The following KCNAB1 variants were observed in gnomAD, a reference collection of about 807,000 sequenced individuals.
The protein encoded by KCNAB1 is voltage-gated potassium channel subunit beta-1.
KCNAB1 carries 35 observed loss-of-function variants against 64.6 expected under a neutral mutation model. The observed-to-expected ratio is 0.54, with a 90% CI of 0.41 to 0.72. KCNAB1 has a LOEUF of 0.72. Ranked by LOEUF, KCNAB1 falls within the 30% of genes least tolerant of loss-of-function variation. The pLI is 0.00. For missense variants in KCNAB1, 401 were observed against 512.9 expected (o/e 0.78, Z 2.11); for synonymous variants, 177 against 183.8 (o/e 0.96, Z 0.30).
chr3:156,453,163 ACAGT>A (rs1322198883), intron 3 of KCNAB1: 10 of 373,744 alleles, frequency 2.7e-5, no homozygotes, highest in Non-Finnish European at 3.8e-5. Flanking sequence ...TGCAGGTTGA[ACAGT>A]CAGAGAATGA....
chr3:156,265,969 T>C (rs191149678), intron 1 of KCNAB1, among the ~76,000 whole-genome samples: 2,631 of 152,152 alleles, frequency 0.017, 51 homozygotes, highest in South Asian at 0.022. Context: ...TCCAGCCTGG[T>C]GACACAGCGA....
chr3:156,118,823 A>T (rs1713189853), upstream of KCNAB1, among the ~76,000 whole-genome samples: 1 of 152,156 alleles, frequency 6.6e-6, no homozygotes, highest in Admixed American at 6.5e-5. Flanking sequence ...AACTGGGGTG[A>T]TTATCTCCAG....
chr3:156,428,533 A>ACACACACC (rs59772816), intron 2 of KCNAB1, among the ~76,000 whole-genome samples: 158 of 143,116 alleles, frequency 1.1e-3, no homozygotes, highest in African/African-American at 1.6e-3. Flanking sequence ...ACACACACAC[A>ACACACACC]CCCTATTGGT....
At chr3:156,134,021 A>C (rs1328708451) in intron 1 of KCNAB1, among the ~76,000 whole-genome samples, 2 of 152,216 alleles carry the variant, frequency 1.3e-5, no homozygotes, top group Non-Finnish European at 2.9e-5. Context: ...AGCCTCATTC[A>C]TCTGACATTG....
intron 2 of KCNAB1, among the ~76,000 whole-genome samples, chr3:156,422,844 A>G (rs1715553033): frequency 6.6e-6 from 1 of 152,206 alleles, no homozygotes; most frequent in African/African-American, 2.4e-5. Context: ...GAAAGTGAGG[A>G]GGAGCCAAAG....
At chr3:156,324,028 C>G (rs912219904) in intron 1 of KCNAB1, among the ~76,000 whole-genome samples, 5 of 152,112 alleles carry the variant, frequency 3.3e-5, no homozygotes, top group African/African-American at 1.2e-4. Flanking sequence ...GAACAATTAT[C>G]AAAAACCAGA....
intron 8 of KCNAB1, among the ~76,000 whole-genome samples, chr3:156,488,669 A>G (rs1033085332): frequency 6.6e-6 from 1 of 152,136 alleles, no homozygotes; most frequent in African/African-American, 2.4e-5. Flanking sequence ...GATTGAGAAT[A>G]CGTTATAGGG....
chr3:156,536,447 T>C (rs985988961), intron 13 of KCNAB1: 67 of 520,342 alleles, frequency 1.3e-4, no homozygotes, highest in Admixed American at 2.4e-4. Context: ...CCTTCACTTA[T>C]GCCTTTATGC....
chr3:156,146,505 G>C (rs1715046145), intron 1 of KCNAB1, among the ~76,000 whole-genome samples: 1 of 152,148 alleles, frequency 6.6e-6, no homozygotes, highest in African/African-American at 2.4e-5. Flanking sequence ...CAAATACCTA[G>C]CTTTGAAGCA....
At chr3:156,422,960 G>A (rs13315734) in intron 2 of KCNAB1, among the ~76,000 whole-genome samples, 13,695 of 152,130 alleles carry the variant, frequency 0.09, 1,834 homozygotes, top group African/African-American at 0.29. Context: ...GACCAATCCC[G>A]TCAAGTGGTG....
chr3:156,121,375 T>C (rs1313475408), intron 1 of KCNAB1, among the ~76,000 whole-genome samples: 1 of 152,164 alleles, frequency 6.6e-6, no homozygotes, highest in Non-Finnish European at 1.5e-5. Flanking sequence ...ATGGGACATA[T>C]TGACCACCAA....
chr3:156,435,596 C>A (rs1453975209), intron 2 of KCNAB1, among the ~76,000 whole-genome samples: 1 of 152,100 alleles, frequency 6.6e-6, no homozygotes, highest in African/African-American at 2.4e-5. Context: ...AAATGGTGAA[C>A]CACATCATCT....
chr3:156,511,177 T>C (rs928715473), intron 8 of KCNAB1, among the ~76,000 whole-genome samples: 11 of 152,054 alleles, frequency 7.2e-5, no homozygotes, highest in Non-Finnish European at 1.0e-4. Context: ...GATCTCGGCT[T>C]ACTGCGAGCT....
intron 1 of KCNAB1, among the ~76,000 whole-genome samples, chr3:156,151,607 T>C (rs1035853674): frequency 6.6e-6 from 1 of 152,220 alleles, no homozygotes. Flanking sequence ...TTGTTCATGC[T>C]CTCACATGCT....
intron 1 of KCNAB1, among the ~76,000 whole-genome samples, chr3:156,326,934 AG>A (rs893143032): frequency 3.9e-5 from 6 of 152,130 alleles, no homozygotes; most frequent in African/African-American, 1.4e-4. Flanking sequence ...TATAATTAAG[AG>A]TAGAAACAAC....
rs1712503245 is a variant in KCNAB1, at chr3:156,457,232, C to A, written c.358-221C>A. ...CCACTTTGGGCAGGCTAAATCCCAGCCTTCAAGTAACCCCTCAGTGCCCTA... is the reference window on the plus strand; with the variant it reads ...CCACTTTGGGCAGGCTAAATCCCAGACTTCAAGTAACCCCTCAGTGCCCTA... On this transcript the variant is annotated intron_variant, in intron 3 of 13. Transcript: ENST00000490337. 5 of 1,342,258 alleles carry A rather than the reference C, an allele frequency of 3.7e-6. No homozygotes were observed. In the East Asian group the frequency reaches 1.5e-4, roughly 41 times the overall value. 83.1% of individuals were successfully genotyped at this position (1,342,258 alleles called of 1,614,324 possible).
chr3:156,273,583 T>C (rs1385056178), intron 1 of KCNAB1: 1 of 456,658 alleles, frequency 2.2e-6, no homozygotes, highest in Non-Finnish European at 4.4e-6. Flanking sequence ...ATGCAGCTGC[T>C]GCTGTGGGGT....
At chr3:156,131,236 T>A (rs984946189) in intron 1 of KCNAB1, among the ~76,000 whole-genome samples, 4 of 152,216 alleles carry the variant, frequency 2.6e-5, no homozygotes, top group Non-Finnish European at 4.4e-5. Flanking sequence ...CACTTACTCA[T>A]ATTTCTTTGG....
intron 1 of KCNAB1, among the ~76,000 whole-genome samples, chr3:156,259,391 C>T (rs1718298628): frequency 6.6e-6 from 1 of 152,212 alleles, no homozygotes; most frequent in African/African-American, 2.4e-5. Context: ...TCAAAAGTCA[C>T]ATCACTAACC....
Sources: gnomAD v4.1 joint callset for allele counts (sites outside exome capture counted in the v4.1 genomes callset) on GRCh38, gnomAD v4.1.1 for gene constraint, MANE v1.5 for transcripts, NCBI Gene and HGNC (gene_info 2026-07-23, HGNC 2026-07-21) for gene names.